SYNE2: variants seen among roughly 807,000 people sequenced by gnomAD.
The protein encoded by SYNE2 is spectrin repeat containing nuclear envelope protein 2, also known as nesprin-2.
A neutral mutation model predicts 856.3 loss-of-function variants in SYNE2; 431 were observed. The ratio of observed to expected loss-of-function variants is 0.50; its 90% CI spans 0.47 to 0.55. The LOEUF (loss-of-function observed/expected upper bound fraction) is 0.55, where lower values mean the gene tolerates loss of function less well. Among genes scored for constraint, SYNE2 ranks in the 20% least tolerant of loss-of-function variants. The pLI is 0.00. For synonymous variants in SYNE2, 2,923 were observed against 2,872.3 expected, an observed-to-expected ratio of 1.02 and a Z score of -0.56; for missense variants, 8,129 against 8,023.2, an observed-to-expected ratio of 1.01 and a Z score of -0.50.
intron 111 of SYNE2, among the ~76,000 whole-genome samples, chr14:64,221,208 C>T (rs79133931): frequency 0.015 from 2,344 of 152,216 alleles, 69 homozygotes; most frequent in East Asian, 0.092. Context: ...TCTCAGGGAA[C>T]GTGAGCCCAC....
chr14:64,141,626 A>AT, intron 81 of SYNE2, 103 bp downstream of exon 81: 1 of 1,271,360 alleles, frequency 7.9e-7, no homozygotes, highest in Non-Finnish European at 1.1e-6. Context: ...GACACTACCT[A>AT]TTTTTCTCTG....
Position 63,835,675 on chromosome 14 carries a change from T to C in SYNE2, c.-304-16826T>C, listed in dbSNP as rs139296493. 4.2e-3 allele frequency among the ~76,000 whole-genome samples: 641 copies of C among 152,236 alleles called. 1 individual carries two copies. Among genetic ancestry groups the C allele is most frequent in the Non-Finnish European group, 7.5e-3 (507 of 68,010 alleles). ...GTTTTCTAGTACCTCATTTCTTAAA[T>C]ATTATTCTTATTTTGAAAATATCCA... On this transcript the variant is annotated intron_variant, in intron 1 of 23. Transcript: ENST00000674003.
chr14:64,079,985 C>T (rs1490624500), intron 55 of SYNE2, among the ~76,000 whole-genome samples: 2 of 152,148 alleles, frequency 1.3e-5, no homozygotes, highest in African/African-American at 2.4e-5. Flanking sequence ...CTGCACCCAG[C>T]CCAGATATTT....
At position 63,982,533 on chromosome 14, in the gene SYNE2, AAAAAG is replaced by A. The variant is rs1447992823; in HGVS notation, c.1837-87_1837-83del. On this transcript the variant is annotated intron_variant, in intron 16 of 115. Transcript: ENST00000555002. ...AGACTCCATCTCAAAAAAAAAAAAA[AAAAAG>A]AAAAGAAAAAAGCCTTGGTGAACAT... The A allele has an allele frequency of 6.1e-3, 7,239 of 1,195,278 alleles. 51 individuals are homozygous for A. The highest frequency in any genetic ancestry group is 9.6e-3 in the East Asian group (347 of 36,192). 74.0% of individuals were successfully genotyped at this position (1,195,278 alleles called of 1,614,324 possible).
intron 1 of SYNE2, among the ~76,000 whole-genome samples, chr14:63,871,239 T>G (rs1267787523): frequency 6.6e-6 from 1 of 151,812 alleles, no homozygotes; most frequent in Non-Finnish European, 1.5e-5. Context: ...GAGTTTCACT[T>G]TTGTTGCCCA....
intron 76 of SYNE2, among the ~76,000 whole-genome samples, chr14:64,130,737 T>G (rs566500119): frequency 1.3e-5 from 2 of 152,076 alleles, no homozygotes; most frequent in African/African-American, 4.8e-5. Flanking sequence ...ATACAAAAAT[T>G]AGCTGGGTAT....
chr14:64,017,888 G>T (rs924303951), intron 34 of SYNE2, 132 bp downstream of exon 34: 60 of 914,658 alleles, frequency 6.6e-5, no homozygotes, highest in Non-Finnish European at 9.7e-5. Flanking sequence ...GACATTTTTG[G>T]ATCATTATTC....
intron 73 of SYNE2, among the ~76,000 whole-genome samples, chr14:64,127,752 C>T (rs564191734): frequency 5.3e-5 from 8 of 152,300 alleles, no homozygotes; most frequent in African/African-American, 1.9e-4. Context: ...ATGAATGAGG[C>T]TTGCCCATAA....
intron 45 of SYNE2, among the ~76,000 whole-genome samples, chr14:64,038,521 G>A: frequency 6.6e-6 from 1 of 152,240 alleles, no homozygotes; most frequent in East Asian, 1.9e-4. Context: ...AGCGAGCCGA[G>A]ATCACGCCAC....
Position 64,027,699 on chromosome 14 carries a change from A to G in SYNE2, c.6620A>G (p.Asn2207Ser), listed in dbSNP as rs2153541057. 1.2e-6 allele frequency: 2 copies of G among 1,614,168 alleles called. No homozygotes were observed. Among genetic ancestry groups the G allele is most frequent in the Non-Finnish European group, 1.7e-6 (2 of 1,180,000 alleles). The change falls in exon 43 of 116, where the codon AAC (asparagine) becomes AGC (serine). Residue 2207 changes from asparagine to serine, a missense_variant. By Grantham distance (46) the Asn-to-Ser change is conservative. Coordinates refer to ENST00000555002, the MANE Select transcript of SYNE2 (RefSeq NM_182914.3). Reference sequence around the variant, plus strand: ...CTAAAGGAGTTAAAATCTCAGGGAAACTACCTCTTGGAGTGCACTAAAAAT... The same window carrying G: ...CTAAAGGAGTTAAAATCTCAGGGAAGCTACCTCTTGGAGTGCACTAAAAAT... ...SLLKELKSQG[N>S]YLLECTKNPS...
rs564587639 is a variant in SYNE2, at chr14:64,226,199, G to C, written c.*673G>C. Reference sequence around the variant, plus strand: ...CTTCGATTTTTTTTTAAAAAAATTAGATTTTAGCTGGAGCTTTTGACTAAT... The same window carrying C: ...CTTCGATTTTTTTTTAAAAAAATTACATTTTAGCTGGAGCTTTTGACTAAT... On this transcript the variant is annotated 3_prime_UTR_variant, in exon 116 of 116. Coordinates refer to ENST00000555002, the MANE Select transcript of SYNE2 (RefSeq NM_182914.3). 2.0e-5 allele frequency: 3 copies of C among 152,698 alleles called. No individual in the cohort carries two copies. The highest frequency in any genetic ancestry group is 4.1e-4 in the South Asian group (2 of 4,828). The allele number at this position is 152,698 out of a possible 1,614,324, so 9.5% of individuals were successfully genotyped here. A position where few individuals can be genotyped will look rare whatever the true frequency, so the allele number is the denominator to read the frequency against.
intron 31 of SYNE2, among the ~76,000 whole-genome samples, chr14:64,008,444 G>A (rs1001879392): frequency 9.2e-5 from 14 of 152,322 alleles, no homozygotes; most frequent in South Asian, 4.1e-4. Flanking sequence ...TAACGGCTGC[G>A]TTTCCTGCAG....
rs756793383 is a variant in SYNE2, at chr14:64,055,923, AT to A, written c.9745-18del. On this transcript the variant is annotated intron_variant, in intron 48 of 115. Transcript: ENST00000555002. ...AAAAGTTTGACAATTTTGTCACAGCATTTAATCTCCTATTCACTAGAATGTC... is the reference window on the plus strand; with the variant it reads ...AAAAGTTTGACAATTTTGTCACAGCATTAATCTCCTATTCACTAGAATGTC... 1.0e-5 allele frequency: 16 copies of A among 1,604,170 alleles called. No individual in the cohort carries two copies. Among genetic ancestry groups the A allele is most frequent in the Non-Finnish European group, 1.2e-5 (14 of 1,172,106 alleles).
chr14:64,084,671 G>T (rs1168794890), intron 57 of SYNE2: 2 of 330,354 alleles, frequency 6.1e-6, no homozygotes, highest in African/African-American at 2.1e-5. Flanking sequence ...TAGATATTTG[G>T]GTTGCTTCCA....
chr14:64,217,365 G>A (rs2098671472), intron 108 of SYNE2, among the ~76,000 whole-genome samples: 2 of 152,222 alleles, frequency 1.3e-5, no homozygotes, highest in Admixed American at 6.5e-5. Flanking sequence ...CAGCTGCCTT[G>A]AGTTCTTGGC....
chr14:64,063,330 G>A (rs866789761), intron 50 of SYNE2, among the ~76,000 whole-genome samples: 33 of 152,178 alleles, frequency 2.2e-4, no homozygotes, highest in African/African-American at 5.8e-4. Flanking sequence ...TTATAGGCGC[G>A]AGCCACTGCG....
At chr14:63,872,233 A>G (rs1215300562) in intron 1 of SYNE2, among the ~76,000 whole-genome samples, 1 of 151,858 alleles carries the variant, frequency 6.6e-6, no homozygotes, top group Non-Finnish European at 1.5e-5. Flanking sequence ...GTTCGAGACC[A>G]TCTTGGCTAA....
At chr14:63,930,302 G>T (rs1184734963) in intron 2 of SYNE2, among the ~76,000 whole-genome samples, 1 of 145,490 alleles carries the variant, frequency 6.9e-6, no homozygotes, top group South Asian at 2.2e-4. Flanking sequence ...AAAAAAAAAA[G>T]CAATGAGATG....
intron 74 of SYNE2, among the ~76,000 whole-genome samples, 190 bp downstream of exon 74, chr14:64,128,743 A>G (rs890454107): frequency 2.0e-5 from 3 of 152,242 alleles, no homozygotes; most frequent in African/African-American, 7.2e-5. Flanking sequence ...GTATTAAAAC[A>G]AAAGGAGGCC....
Sources: gnomAD v4.1 joint callset for allele counts (sites outside exome capture counted in the v4.1 genomes callset) on GRCh38, gnomAD v4.1.1 for gene constraint, MANE v1.5 for transcripts, NCBI Gene and HGNC (gene_info 2026-07-23, HGNC 2026-07-21) for gene names.